The following DLGAP2 variants were observed in gnomAD, a reference collection of about 807,000 sequenced individuals.
DLGAP2 encodes the protein disks large-associated protein 2.
In DLGAP2, 26 loss-of-function variants were observed where a neutral mutation model predicts 100.3. The observed-to-expected ratio is 0.26, with a 90% CI of 0.19 to 0.36. The LOEUF is 0.36. DLGAP2 is among the 10% of genes least tolerant of loss of function. DLGAP2 has a pLI of 1.00. For synonymous variants in DLGAP2, 886 were observed against 630.1 expected (o/e 1.41, Z -6.08); for missense variants, 1,858 against 1,453.2 (o/e 1.28, Z -4.53).
intron 3 of DLGAP2, among the ~76,000 whole-genome samples, chr8:1,445,880 A>T (rs1403691496): frequency 6.6e-6 from 1 of 152,160 alleles, no homozygotes; most frequent in Non-Finnish European, 1.5e-5. Context: ...TGGCTGCATA[A>T]ATGTCTTCTT....
intron 2 of DLGAP2, among the ~76,000 whole-genome samples, chr8:975,646 A>C (rs1401062503): frequency 6.6e-6 from 1 of 152,240 alleles, no homozygotes; most frequent in African/African-American, 2.4e-5. Flanking sequence ...CATCATGTCT[A>C]TAGTACAGCA....
intron 4 of DLGAP2, among the ~76,000 whole-genome samples, chr8:1,523,599 A>T (rs1218584110): frequency 6.6e-6 from 1 of 152,208 alleles, no homozygotes; most frequent in Non-Finnish European, 1.5e-5. Context: ...AGCTGCTCCC[A>T]CATCTGGGGG....
At chr8:1,098,446 T>TACA (rs967853021) in intron 2 of DLGAP2, among the ~76,000 whole-genome samples, 2 of 152,164 alleles carry the variant, frequency 1.3e-5, no homozygotes, top group African/African-American at 4.8e-5. Context: ...TTTGCTTTTT[T>TACA]ACAACTTGGT....
chr8:1,499,939 C>G (rs1190727123), intron 3 of DLGAP2, among the ~76,000 whole-genome samples: 1 of 138,220 alleles, frequency 7.2e-6, no homozygotes, highest in Non-Finnish European at 1.5e-5. Context: ...TGAAATAAAT[C>G]CGTTTGCAGA....
At chr8:903,756 G>A (rs1201059749) in intron 1 of DLGAP2, among the ~76,000 whole-genome samples, 1 of 152,202 alleles carries the variant, frequency 6.6e-6, no homozygotes, top group East Asian at 1.9e-4. Flanking sequence ...GGAGCCCAGC[G>A]CCTCCAGACA....
intron 4 of DLGAP2, among the ~76,000 whole-genome samples, chr8:1,502,333 G>A (rs4876071): frequency 0.63 from 95,308 of 152,146 alleles, 30,155 homozygotes; most frequent in Admixed American, 0.71. Context: ...CTTTTAGCCA[G>A]TGCATCTATT....
intron 6 of DLGAP2, among the ~76,000 whole-genome samples, chr8:1,626,243 TGCAGCGG>T (rs2130768426): frequency 7.5e-6 from 1 of 132,920 alleles, no homozygotes; most frequent in Non-Finnish European, 1.6e-5. Flanking sequence ...ATCTCTACCC[TGCAGCGG>T]GTGCTCACCC....
intron 2 of DLGAP2, among the ~76,000 whole-genome samples, chr8:924,179 A>G (rs1019303076): frequency 6.6e-6 from 1 of 152,226 alleles, no homozygotes; most frequent in African/African-American, 2.4e-5. Flanking sequence ...GAGCAACACC[A>G]GCTACGTCCC....
intron 2 of DLGAP2, among the ~76,000 whole-genome samples, chr8:1,227,171 T>C (rs1269787868): frequency 7.4e-6 from 1 of 135,428 alleles, no homozygotes; most frequent in Non-Finnish European, 1.5e-5. Context: ...TATATATATA[T>C]ATAGTATAGA....
intron 2 of DLGAP2, among the ~76,000 whole-genome samples, chr8:1,233,385 C>G (rs1442260280): frequency 1.3e-5 from 2 of 152,214 alleles, no homozygotes; most frequent in African/African-American, 2.4e-5. Context: ...GAAGACTCAG[C>G]TGTAACCTCC....
intron 3 of DLGAP2, among the ~76,000 whole-genome samples, chr8:1,282,952 C>T (rs1362619638): frequency 7.7e-6 from 1 of 130,212 alleles, no homozygotes; most frequent in Non-Finnish European, 1.6e-5. Flanking sequence ...CTGAACCCAG[C>T]GCCCTGAACC....
chr8:867,805 TA>T (rs1210166502), intron 1 of DLGAP2, among the ~76,000 whole-genome samples: 2 of 152,240 alleles, frequency 1.3e-5, no homozygotes, highest in Non-Finnish European at 2.9e-5. Context: ...CTGTTTTGAA[TA>T]AACCTCAAAA....
intron 3 of DLGAP2, among the ~76,000 whole-genome samples, chr8:1,465,290 G>A (rs1798594083): frequency 6.6e-6 from 1 of 152,232 alleles, no homozygotes; most frequent in Non-Finnish European, 1.5e-5. Flanking sequence ...CCCATGTTTG[G>A]TGGTTTATTA....
At chr8:1,090,417 C>G (rs575255837) in intron 2 of DLGAP2, among the ~76,000 whole-genome samples, 6 of 152,254 alleles carry the variant, frequency 3.9e-5, no homozygotes, top group Non-Finnish European at 7.3e-5. Context: ...CTGGGGCCCT[C>G]CTGGCCAGGC....
rs535863048 is a variant in DLGAP2, at chr8:843,500, A to C, written c.19-64412A>C. Among the ~76,000 whole-genome samples the C allele has an allele frequency of 5.9e-5, 9 of 152,286 alleles. No homozygotes were observed. The East Asian group carries it at 1.7e-3, about 29-fold the overall frequency. On this transcript the variant is annotated intron_variant, in intron 1 of 14. Coordinates refer to ENST00000637795, the MANE Select transcript of DLGAP2 (RefSeq NM_001346810.2). ...CCACTGTGCATGGTGTGGAGTGGGCACCACGGCCTCTCCTGGGGTTCCACC... is the reference window on the plus strand; with the variant it reads ...CCACTGTGCATGGTGTGGAGTGGGCCCCACGGCCTCTCCTGGGGTTCCACC...
At chr8:1,234,236 C>T (rs1264251996) in intron 2 of DLGAP2, among the ~76,000 whole-genome samples, 2 of 152,184 alleles carry the variant, frequency 1.3e-5, no homozygotes, top group Non-Finnish European at 2.9e-5. Flanking sequence ...AGTGGCACAA[C>T]CCTGAGTGGA....
intron 3 of DLGAP2, among the ~76,000 whole-genome samples, chr8:1,424,539 G>T (rs1797186590): frequency 6.6e-6 from 1 of 152,228 alleles, no homozygotes; most frequent in Non-Finnish European, 1.5e-5. Flanking sequence ...GAACCCTGAG[G>T]ACACTATGCT....
rs1300642034 is a variant in DLGAP2, at chr8:737,685, A to AACGG, written c.-112_-109dup. 3 of 365,854 alleles carry AACGG rather than the reference A, an allele frequency of 8.2e-6. No individual in the cohort carries two copies. The highest frequency in any genetic ancestry group is 4.7e-5 in the Admixed American group (1 of 21,490). 22.7% of individuals were successfully genotyped at this position (365,854 alleles called of 1,614,324 possible). A position where few individuals can be genotyped will look rare whatever the true frequency, so the allele number is the denominator to read the frequency against. ...TGAGCGCGCGGCGCCTGCGGCGGCG[A>AACGG]ACGGACGGACGGACCGCGGACGGAC... On this transcript the variant is annotated 5_prime_UTR_variant, in exon 1 of 15. Coordinates refer to ENST00000637795, the MANE Select transcript of DLGAP2 (RefSeq NM_001346810.2).
Position 1,259,578 on chromosome 8 carries a change from A to G in DLGAP2, c.106+695A>G, listed in dbSNP as rs554235687. 5.2e-5 allele frequency: 8 copies of G among 152,386 alleles called. No individual in the cohort carries two copies. The East Asian group carries it at 1.4e-3, about 26-fold the overall frequency. 9.4% of individuals were successfully genotyped at this position (152,386 alleles called of 1,614,324 possible). A position where few individuals can be genotyped will look rare whatever the true frequency, so the allele number is the denominator to read the frequency against. On this transcript the variant is annotated intron_variant, in intron 3 of 14. Transcript: ENST00000637795. ...TTCAGCAGCAAGAGGCAAATTGGCT[A>G]GAAAAAGAGTCAGCCTTGGGGAACT... is the stretch of plus-strand genomic sequence containing the variant.
Sources: gnomAD v4.1 joint callset for allele counts (sites outside exome capture counted in the v4.1 genomes callset) on GRCh38, gnomAD v4.1.1 for gene constraint, MANE v1.5 for transcripts, NCBI Gene and HGNC (gene_info 2026-07-23, HGNC 2026-07-21) for gene names.